The following GLI3 variants were observed in gnomAD, a reference collection of about 807,000 sequenced individuals.
GLI3 encodes the protein GLI family zinc finger 3.
GLI3 carries 20 observed loss-of-function variants against 100.8 expected under a neutral mutation model. The ratio of observed to expected loss-of-function variants is 0.20; its 90% CI spans 0.14 to 0.29. GLI3 has a LOEUF of 0.29. Ranked by LOEUF, GLI3 falls within the 10% of genes least tolerant of loss-of-function variation. The pLI, the probability that GLI3 is intolerant of heterozygous loss-of-function variation, is 1.00. For synonymous variants in GLI3, 938 were observed against 860.5 expected (o/e 1.09, Z -1.58); for missense variants, 2,040 against 2,128.5 (o/e 0.96, Z 0.82).
chr7:42,177,816 C>T (rs1208655325), intron 2 of GLI3, among the ~76,000 whole-genome samples: 2 of 152,312 alleles, frequency 1.3e-5, no homozygotes, highest in Non-Finnish European at 2.9e-5. Context: ...TCGACGGGCT[C>T]GTCCAGTAAG....
intron 10 of GLI3, among the ~76,000 whole-genome samples, chr7:41,991,544 TTG>T (rs1787988279): frequency 6.6e-6 from 1 of 152,214 alleles, no homozygotes; most frequent in South Asian, 2.1e-4. Context: ...TATACCTAGA[TTG>T]TAATTTTCTT....
chr7:41,994,725 T>C (rs1423435636), intron 10 of GLI3, among the ~76,000 whole-genome samples: 2 of 152,260 alleles, frequency 1.3e-5, no homozygotes, highest in Non-Finnish European at 2.9e-5. Flanking sequence ...GAAGTGCTAA[T>C]TTATTCCTCA....
chr7:42,065,385 C>T (rs1784653858), intron 4 of GLI3, among the ~76,000 whole-genome samples: 2 of 151,900 alleles, frequency 1.3e-5, no homozygotes, highest in Admixed American at 1.3e-4. Context: ...ATGTACCCTT[C>T]ATAAGAATTT....
intron 3 of GLI3, among the ~76,000 whole-genome samples, chr7:42,093,985 G>T (rs534921602): frequency 5.9e-5 from 9 of 152,074 alleles, no homozygotes; most frequent in Non-Finnish European, 1.3e-4. Context: ...CTTTCATTCT[G>T]CATTATCCTA....
At chr7:42,102,608 T>A (rs1785488941) in intron 3 of GLI3, among the ~76,000 whole-genome samples, 2 of 152,232 alleles carry the variant, frequency 1.3e-5, no homozygotes, top group African/African-American at 4.8e-5. Context: ...GGGTGTGCAC[T>A]TAACTTCTTG....
chr7:42,056,128 C>T (rs1784455826), intron 4 of GLI3, among the ~76,000 whole-genome samples: 1 of 152,190 alleles, frequency 6.6e-6, no homozygotes, highest in African/African-American at 2.4e-5. Context: ...ACTGTAAGTC[C>T]ATTAAACTTC....
rs1294687468 is a variant in GLI3 at position 42,076,873 on chromosome 7, A to G, written c.368-16T>C. The G allele has an allele frequency of 1.4e-6, 2 of 1,450,858 alleles. No homozygotes were observed. The highest frequency in any genetic ancestry group is 1.9e-6 in the Non-Finnish European group (2 of 1,030,976). 89.9% of individuals were successfully genotyped at this position (1,450,858 alleles called of 1,614,324 possible). A position where few individuals can be genotyped will look rare whatever the true frequency, so the allele number is the denominator to read the frequency against. On this transcript the variant is annotated splice_polypyrimidine_tract_variant and intron_variant, in intron 3 of 14. Transcript: ENST00000395925. Reference sequence around the variant, plus strand: ...TGAGGAGGGTCTGAAAAGAAGAGAGAGCCCAATCTATATCAAATGAACACT... The same window carrying G: ...TGAGGAGGGTCTGAAAAGAAGAGAGGGCCCAATCTATATCAAATGAACACT...
chr7:42,110,049 T>C (rs1785668921), intron 3 of GLI3, among the ~76,000 whole-genome samples: 1 of 152,192 alleles, frequency 6.6e-6, no homozygotes, highest in East Asian at 1.9e-4. Flanking sequence ...TGTTTTATTA[T>C]AACAGCAAGA....
At chr7:41,981,280 T>A (rs1787659948) in intron 10 of GLI3, among the ~76,000 whole-genome samples, 1 of 152,196 alleles carries the variant, frequency 6.6e-6, no homozygotes, top group South Asian at 2.1e-4. Context: ...ATCCATGACG[T>A]AGGTAAGCTT....
At chr7:42,204,246 T>C (rs1475738824) in intron 2 of GLI3, among the ~76,000 whole-genome samples, 2 of 152,012 alleles carry the variant, frequency 1.3e-5, no homozygotes, top group East Asian at 3.9e-4. Context: ...ACCATGCCTA[T>C]CCAACAAGCA....
intron 2 of GLI3, among the ~76,000 whole-genome samples, chr7:42,207,492 G>A (rs1788179765): frequency 6.6e-6 from 1 of 152,170 alleles, no homozygotes; most frequent in East Asian, 1.9e-4. Flanking sequence ...CTGAAAATGA[G>A]CACTCACATA....
At chr7:42,245,629 T>TGAGATG (rs1331076477) in intron 1 of GLI3, among the ~76,000 whole-genome samples, 1 of 151,960 alleles carries the variant, frequency 6.6e-6, no homozygotes, top group African/African-American at 2.4e-5. Flanking sequence ...TGCAGTGAGC[T>TGAGATG]GAGGTCACAC....
intron 3 of GLI3, among the ~76,000 whole-genome samples, chr7:42,080,925 G>C (rs1784984529): frequency 2.0e-5 from 3 of 152,074 alleles, no homozygotes; most frequent in Admixed American, 2.0e-4. Context: ...ATTTACACAT[G>C]AGCAGTGCAG....
chr7:42,105,641 T>G (rs185265372), intron 3 of GLI3, among the ~76,000 whole-genome samples: 1 of 152,162 alleles, frequency 6.6e-6, no homozygotes, highest in Non-Finnish European at 1.5e-5. Context: ...ACATCTGAAT[T>G]TAAAAACAGC....
At chr7:42,035,457 A>G (rs1454515849) in intron 7 of GLI3, among the ~76,000 whole-genome samples, 2 of 152,198 alleles carry the variant, frequency 1.3e-5, no homozygotes, top group African/African-American at 4.8e-5. Context: ...AAAACATTGC[A>G]CTGTTTTGTG....
At chr7:42,238,317 C>T (rs977645458), upstream of GLI3, among the ~76,000 whole-genome samples, 2 of 152,094 alleles carry the variant, frequency 1.3e-5, no homozygotes, top group African/African-American at 4.8e-5. Context: ...GGCTGGACTC[C>T]CCTTTATTCT....
intron 3 of GLI3, among the ~76,000 whole-genome samples, chr7:42,082,791 T>G (rs1273193381): frequency 6.6e-6 from 1 of 152,226 alleles, no homozygotes; most frequent in African/African-American, 2.4e-5. Context: ...TCTATTATTT[T>G]GTCACTTTAC....
At chr7:42,113,640 A>G (rs1225061683) in intron 3 of GLI3, 4 of 912,300 alleles carry the variant, frequency 4.4e-6, no homozygotes, top group African/African-American at 1.6e-5. Flanking sequence ...TGCATTTTTG[A>G]TAACTGTGTA....
intron 3 of GLI3, among the ~76,000 whole-genome samples, chr7:42,126,952 T>A (rs1330028375): frequency 6.6e-6 from 1 of 152,196 alleles, no homozygotes; most frequent in African/African-American, 2.4e-5. Context: ...AAAAACCCAA[T>A]GACGAGCGTC....
Sources: allele counts gnomAD v4.1 joint callset (sites outside exome capture counted in the v4.1 genomes callset), GRCh38; gene constraint gnomAD v4.1.1; transcripts MANE v1.5; gene names NCBI Gene and HGNC (gene_info 2026-07-23, HGNC 2026-07-21).